Variants in COG6 observed in about 807,000 individuals in gnomAD.
COG6 encodes conserved oligomeric Golgi complex subunit 6.
COG6 carries 74 observed loss-of-function variants against 88.8 expected under a neutral mutation model. The observed-to-expected ratio is 0.83, with a 90% CI of 0.69 to 1.01. COG6 has a LOEUF of 1.01. COG6 is among the 50% of genes least tolerant of loss of function. The pLI, the probability that COG6 is intolerant of heterozygous loss-of-function variation, is 0.00. For synonymous variants in COG6, 286 were observed against 278.7 expected, an observed-to-expected ratio of 1.03 and a Z score of -0.26; for missense variants, 800 against 797.9, an observed-to-expected ratio of 1.00 and a Z score of -0.03.
intron 15 of COG6, among the ~76,000 whole-genome samples, chr13:39,722,769 G>T (rs558914047): frequency 6.6e-6 from 1 of 152,146 alleles, no homozygotes; most frequent in South Asian, 2.1e-4. Flanking sequence ...ACTCACATCT[G>T]TTAGCTGCAT....
At chr13:39,748,859 G>A (rs1385201944) in intron 18 of COG6, among the ~76,000 whole-genome samples, 4 of 152,134 alleles carry the variant, frequency 2.6e-5, no homozygotes, top group Non-Finnish European at 5.9e-5. Context: ...TTAGAACAGT[G>A]TACAGATGTT....
chr13:39,768,586 T>G (rs1881232756), intron 18 of COG6, among the ~76,000 whole-genome samples: 1 of 152,198 alleles, frequency 6.6e-6, no homozygotes, highest in Non-Finnish European at 1.5e-5. Context: ...TTTAGTCATC[T>G]AGGCTCTAGG....
At chr13:39,773,142 C>T (rs1881365920) in intron 18 of COG6, among the ~76,000 whole-genome samples, 1 of 152,226 alleles carries the variant, frequency 6.6e-6, no homozygotes. Flanking sequence ...ACCTTCCCTC[C>T]ATCCTAATGC....
exon 19 of COG6, chr13:39,791,148 TACAA>T (rs527798719): frequency 8.1e-4 from 123 of 152,184 alleles, no homozygotes; most frequent in African/African-American, 2.5e-3. Flanking sequence ...CATACATACA[TACAA>T]ACAGACAGAC....
At chr13:39,723,461 TC>T (rs1878962614) in intron 16 of COG6, 21 bp downstream of exon 16, 1 of 1,358,564 alleles carries the variant, frequency 7.4e-7, no homozygotes, top group Admixed American at 1.7e-5. Context: ...AGATGTTCCT[TC>T]CTAATTCTAA....
At chr13:39,714,171 T>C (rs1392270329) in intron 13 of COG6, among the ~76,000 whole-genome samples, 1 of 152,168 alleles carries the variant, frequency 6.6e-6, no homozygotes, top group East Asian at 1.9e-4. Context: ...TTTTACATCA[T>C]TGGTCTTCTG....
At chr13:39,655,641 G>A, upstream of COG6, 1 of 1,472,474 alleles carries the variant, frequency 6.8e-7, no homozygotes, top group South Asian at 1.2e-5. Context: ...CGCATGCGCG[G>A]CCGATTTGCA....
At chr13:39,763,122 A>C (rs530225708) in intron 18 of COG6, among the ~76,000 whole-genome samples, 33 of 151,908 alleles carry the variant, frequency 2.2e-4, no homozygotes, top group Middle Eastern at 6.8e-3. Context: ...TTGCATTCCC[A>C]AAATAAGCCT....
In COG6 at chr13:39,752,033, T is replaced by C. The variant is rs1297462126; in HGVS notation, c.*940T>C. On this transcript the variant is annotated 3_prime_UTR_variant, in exon 19 of 19. Transcript: ENST00000455146. Reference sequence around the variant, plus strand: ...AGTTGCCAATTGGCAGTGTGTCTTATCTCCATGTTGTAACTGGACTCTGAC... The same window carrying C: ...AGTTGCCAATTGGCAGTGTGTCTTACCTCCATGTTGTAACTGGACTCTGAC... The C allele has an allele frequency of 7.0e-6, 9 of 1,283,626 alleles. No homozygotes were observed. Among genetic ancestry groups the C allele is most frequent in the Non-Finnish European group, 8.1e-6 (8 of 985,530 alleles). 79.5% of individuals were successfully genotyped at this position (1,283,626 alleles called of 1,614,324 possible).
intron 8 of COG6, among the ~76,000 whole-genome samples, chr13:39,683,495 G>A (rs1242735132): frequency 6.6e-6 from 1 of 152,166 alleles, no homozygotes; most frequent in Non-Finnish European, 1.5e-5. Context: ...ACTGGCTATT[G>A]AATTAGGAGC....
In COG6 at chr13:39,752,139, C is replaced by G. The variant is rs1880672322; in HGVS notation, c.*1046C>G. ...ATCCCAGTGTGCCTGATTTGACATT[C>G]TTGTCAGCAAAAAAAAACTTAATTT... On this transcript the variant is annotated 3_prime_UTR_variant, in exon 19 of 19. Coordinates refer to ENST00000455146, the MANE Select transcript of COG6 (RefSeq NM_020751.3). 1.7e-6 allele frequency: 2 copies of G among 1,206,706 alleles called. No individual in the cohort carries two copies. Among genetic ancestry groups the G allele is most frequent in the South Asian group, 2.8e-5 (2 of 71,612 alleles). The allele number at this position is 1,206,706 out of a possible 1,614,324, so 74.7% of individuals were successfully genotyped here.
intron 18 of COG6, among the ~76,000 whole-genome samples, chr13:39,729,944 C>T (rs1470312437): frequency 6.6e-6 from 1 of 152,088 alleles, no homozygotes; most frequent in African/African-American, 2.4e-5. Flanking sequence ...CTATTCGAGT[C>T]GTTTGCCTCA....
chr13:39,681,978 A>G (rs946603928), intron 7 of COG6, among the ~76,000 whole-genome samples, 193 bp from the exon 8 acceptor site: 25 of 152,162 alleles, frequency 1.6e-4, no homozygotes, highest in African/African-American at 5.8e-4. Context: ...TTAAAGTTAT[A>G]TAACTACTTA....
intron 18 of COG6, among the ~76,000 whole-genome samples, chr13:39,774,408 A>C (rs1318666925): frequency 2.6e-5 from 4 of 151,276 alleles, no homozygotes; most frequent in Admixed American, 2.6e-4. Context: ...ATGCTCAAAA[A>C]CTCTTTGGTG....
At chr13:39,757,887 C>T (rs775163724) in intron 18 of COG6, among the ~76,000 whole-genome samples, 2 of 152,068 alleles carry the variant, frequency 1.3e-5, no homozygotes, top group African/African-American at 2.4e-5. Flanking sequence ...GCTCAAGGAT[C>T]GGCTGTGTAT....
intron 10 of COG6, among the ~76,000 whole-genome samples, chr13:39,689,089 C>T (rs1184146879): frequency 3.3e-5 from 5 of 152,160 alleles, no homozygotes. Flanking sequence ...ATTCTCCTTA[C>T]CCAGTTTAAA....
chr13:39,771,217 G>C (rs532400831), intron 18 of COG6, among the ~76,000 whole-genome samples: 4 of 152,296 alleles, frequency 2.6e-5, no homozygotes, highest in Non-Finnish European at 4.4e-5. Context: ...CCTGTCCTCT[G>C]CGTATCACTC....
chr13:39,717,846 G>A (rs190000782), intron 13 of COG6, among the ~76,000 whole-genome samples: 19 of 152,208 alleles, frequency 1.2e-4, no homozygotes, highest in Admixed American at 1.2e-3. Context: ...GACAGAGAAA[G>A]ACCCTGTCAA....
In COG6 at chr13:39,751,857, G is replaced by T. The variant is rs1287743032; in HGVS notation, c.*764G>T. ...CCAATGAGCTCTAAGCATGTAGATAGCCTGAGCTGTGTCTAAGCCTGGTGT... is the reference window on the plus strand; with the variant it reads ...CCAATGAGCTCTAAGCATGTAGATATCCTGAGCTGTGTCTAAGCCTGGTGT... On this transcript the variant is annotated 3_prime_UTR_variant, in exon 19 of 19. Transcript: ENST00000455146. 1.6e-6 allele frequency: 2 copies of T among 1,287,004 alleles called. No homozygotes were observed. Among genetic ancestry groups the T allele is most frequent in the Non-Finnish European group, 2.0e-6 (2 of 988,628 alleles). 79.7% of individuals were successfully genotyped at this position (1,287,004 alleles called of 1,614,324 possible). A position where few individuals can be genotyped will look rare whatever the true frequency, so the allele number is the denominator to read the frequency against.
Sources: allele counts gnomAD v4.1 joint callset (sites outside exome capture counted in the v4.1 genomes callset), GRCh38; gene constraint gnomAD v4.1.1; transcripts MANE v1.5; gene names NCBI Gene and HGNC (gene_info 2026-07-23, HGNC 2026-07-21).